Variants in YME1L1 observed in about 807,000 individuals in gnomAD.
YME1L1 encodes the protein YME1 like 1 ATPase, also known as ATP-dependent zinc metalloprotease YME1L1.
A neutral mutation model predicts 90.4 loss-of-function variants in YME1L1; 39 were observed. That is an observed-to-expected ratio of 0.43 (90% confidence interval 0.33 to 0.56). The LOEUF (loss-of-function observed/expected upper bound fraction) is 0.56, where lower values mean the gene tolerates loss of function less well. YME1L1 is among the 20% of genes least tolerant of loss of function. The pLI, the probability that YME1L1 is intolerant of heterozygous loss-of-function variation, is 0.03. For synonymous variants in YME1L1, 284 were observed against 287.3 expected, an observed-to-expected ratio of 0.99 and a Z score of 0.12; for missense variants, 617 against 868.4, an observed-to-expected ratio of 0.71 and a Z score of 3.64.
At chr10:27,148,855 G>C in intron 2 of YME1L1, 51 bp downstream of exon 2, 1 of 1,605,086 alleles carries the variant, frequency 6.2e-7, no homozygotes, top group Non-Finnish European at 8.5e-7. Context: ...TTGTTTAAGG[G>C]TCAACTGTAT....
At chr10:27,144,679 T>C (rs112160436) in intron 3 of YME1L1, among the ~76,000 whole-genome samples, 88 of 152,326 alleles carry the variant, frequency 5.8e-4, no homozygotes, top group African/African-American at 2.1e-3. Flanking sequence ...TGGAATTAAA[T>C]GTGTGTCACC....
At chr10:27,128,385 T>A (rs1463359622) in intron 8 of YME1L1, among the ~76,000 whole-genome samples, 3 of 152,196 alleles carry the variant, frequency 2.0e-5, no homozygotes, top group African/African-American at 7.2e-5. Context: ...TTAATTGTGA[T>A]GTCTACTTTC....
In YME1L1 at chr10:27,147,595, C is replaced by A. The variant is rs760607365; in HGVS notation, c.168+1311G>T. 5.7e-6 allele frequency: 9 copies of A among 1,575,528 alleles called. No homozygotes were observed. In the African/African-American group the frequency reaches 1.2e-4, roughly 21 times the overall value. On this transcript the variant is annotated intron_variant, in intron 2 of 18. Transcript: ENST00000376016. The stretch of plus-strand genomic sequence containing the variant: ...TTTTGCTGGCTCCATGAACATGGAT[C>A]TGTACCCTTCGAATATTTTTCCTTT...
chr10:27,122,008 T>C (rs576404362), intron 11 of YME1L1, among the ~76,000 whole-genome samples: 1 of 152,282 alleles, frequency 6.6e-6, no homozygotes, highest in South Asian at 2.1e-4. Context: ...AGTGCTAGGA[T>C]TATAGGCTTG....
chr10:27,153,092 A>C, intron 1 of YME1L1: 1 of 445,988 alleles, frequency 2.2e-6, no homozygotes, highest in Non-Finnish European at 4.6e-6. Flanking sequence ...AACCTGCTAA[A>C]CCCTTTCCTA....
intron 6 of YME1L1, 41 bp from the exon 7 acceptor site, chr10:27,134,163 T>C: frequency 6.3e-6 from 9 of 1,426,810 alleles, no homozygotes; most frequent in Admixed American, 1.9e-5. Context: ...ATCACATTTA[T>C]GAAATATGAC....
intron 4 of YME1L1, 46 bp downstream of exon 4, chr10:27,142,341 T>G (rs777494610): frequency 7.1e-6 from 8 of 1,132,834 alleles, no homozygotes; most frequent in Non-Finnish European, 9.7e-6. Flanking sequence ...CAGACTATAG[T>G]AAATAAATAT....
At chr10:27,149,304 T>C (rs10829196) in intron 1 of YME1L1, among the ~76,000 whole-genome samples, 11,238 of 152,194 alleles carry the variant, frequency 0.074, 602 homozygotes, top group African/African-American at 0.15. Context: ...GAATTTATTA[T>C]AAGGAAATAA....
At chr10:27,137,918 A>T (rs1230845449) in intron 4 of YME1L1, among the ~76,000 whole-genome samples, 1 of 152,102 alleles carries the variant, frequency 6.6e-6, no homozygotes, top group African/African-American at 2.4e-5. Flanking sequence ...GTGCAGCCAT[A>T]CCTTTGCTGT....
At chr10:27,145,293 A>C in intron 3 of YME1L1, 135 bp downstream of exon 3, 1 of 762,552 alleles carries the variant, frequency 1.3e-6, no homozygotes, top group East Asian at 3.1e-5. Flanking sequence ...AAATTGCAAA[A>C]AAAAAAACAA....
chr10:27,143,330 T>C (rs1338410671), intron 3 of YME1L1, among the ~76,000 whole-genome samples: 1 of 150,608 alleles, frequency 6.6e-6, no homozygotes, highest in South Asian at 2.1e-4. Flanking sequence ...GATCGCGCCA[T>C]TGCACTCCCG....
At chr10:27,124,798 T>C (rs898017773) in intron 9 of YME1L1, among the ~76,000 whole-genome samples, 2 of 152,216 alleles carry the variant, frequency 1.3e-5, no homozygotes, top group Admixed American at 1.3e-4. Flanking sequence ...AAAGGTGGTA[T>C]GTGGAATGTC....
chr10:27,127,679 T>C lies in YME1L1; in HGVS notation c.859-893A>G, dbSNP rs563866954. ...AAAATTCAAAAATAGGGAAAATTCA[T>C]GTATGGTATTAGACAGGAAATTGTC... On this transcript the variant is annotated intron_variant, in intron 8 of 18. Coordinates refer to ENST00000376016, the MANE Select transcript of YME1L1 (RefSeq NM_014263.4). Among the ~76,000 whole-genome samples, 5 of 152,260 alleles carry C rather than the reference T, an allele frequency of 3.3e-5. No individual in the cohort carries two copies. In the South Asian group the frequency reaches 1.0e-3, roughly 32 times the overall value.
At position 27,123,706 on chromosome 10, in the gene YME1L1, G is replaced by T. The variant is rs772277596; in HGVS notation, c.950-7C>A. Reference sequence around the variant, plus strand: ...GGTCCAACTAAAAGAATTCCTAAAAGAAAATGAAAACGAGAATGATTCAAA... The same window carrying T: ...GGTCCAACTAAAAGAATTCCTAAAATAAAATGAAAACGAGAATGATTCAAA... On this transcript the variant is annotated splice_polypyrimidine_tract_variant and splice_region_variant and intron_variant, in intron 9 of 18. Transcript: ENST00000376016. The T allele has an allele frequency of 6.3e-7, 1 of 1,582,300 alleles. No individual in the cohort carries two copies.
intron 8 of YME1L1, among the ~76,000 whole-genome samples, chr10:27,127,002 C>A (rs901773097): frequency 9.9e-5 from 15 of 152,122 alleles, no homozygotes; most frequent in African/African-American, 3.4e-4. Context: ...CCTTACTATC[C>A]CCAAAAAAAT....
chr10:27,122,791 A>T lies in YME1L1; in HGVS notation c.1235+50T>A, dbSNP rs1042840980. On this transcript the variant is annotated intron_variant, in intron 11 of 18. Coordinates refer to ENST00000376016, the MANE Select transcript of YME1L1 (RefSeq NM_014263.4). ...GCATAAGATCAATTCTACGTATATCAAATGCTGGGAGGCATCACCATATTC... is the reference window on the plus strand; with the variant it reads ...GCATAAGATCAATTCTACGTATATCTAATGCTGGGAGGCATCACCATATTC... 6 of 1,604,990 alleles carry T rather than the reference A, an allele frequency of 3.7e-6. No homozygotes were observed. In the South Asian group the frequency reaches 5.6e-5, roughly 15 times the overall value.
chr10:27,142,415 G>T lies in YME1L1; in HGVS notation c.402C>A (p.Ser134Arg). 6.6e-7 allele frequency: 1 copy of T among 1,523,840 alleles called. No homozygotes were observed. The highest frequency in any genetic ancestry group is 8.8e-7 in the Non-Finnish European group (1 of 1,135,700). The allele number at this position is 1,523,840 out of a possible 1,614,324, so 94.4% of individuals were successfully genotyped here. A position where few individuals can be genotyped will look rare whatever the true frequency, so the allele number is the denominator to read the frequency against. Residue 134 changes from serine (S) to arginine (R), a missense_variant, in exon 4 of 19, where the codon AGC (serine) becomes AGA (arginine). Ser to Arg is a moderately radical substitution (Grantham distance 110, BLOSUM62 -1). Coordinates refer to ENST00000376016, the MANE Select transcript of YME1L1 (RefSeq NM_014263.4). ...LYRHHSRALQ[S>R]ICSDLQYWPV... ...GCCAGTACTGAAGATCTGAACAAAT[G>T]CTTTGAAGAGCTCTTGAATGATGTC...
In YME1L1 at chr10:27,134,076, G is replaced by A. The variant is rs142451396; in HGVS notation, c.738C>T (p.Phe246=). 2.5e-4 allele frequency: 410 copies of A among 1,613,600 alleles called. 1 individual carries two copies. Among genetic ancestry groups the A allele is most frequent in the African/African-American group, 1.6e-3 (122 of 75,002 alleles). ...TRLILFVLLL[F]GIYGLLKNPF... is the part of the protein sequence containing the mutation. ...GGTTTTTTAGAAGTCCATAAATGCCGAATAGCAGCAGAACGAAGAGAATCA... is the reference window on the plus strand; with the variant it reads ...GGTTTTTTAGAAGTCCATAAATGCCAAATAGCAGCAGAACGAAGAGAATCA... The change falls in exon 7 of 19, where the codon TTC becomes TTT. Residue 246 remains phenylalanine, a synonymous_variant. Coordinates refer to ENST00000376016, the MANE Select transcript of YME1L1 (RefSeq NM_014263.4).
chr10:27,133,279 T>C (rs907233828), intron 7 of YME1L1, among the ~76,000 whole-genome samples: 1 of 152,170 alleles, frequency 6.6e-6, no homozygotes, highest in African/African-American at 2.4e-5. Flanking sequence ...AGTAAAATAT[T>C]TGAGATCAAT....
Sources: gnomAD v4.1 joint callset for allele counts (sites outside exome capture counted in the v4.1 genomes callset) on GRCh38, gnomAD v4.1.1 for gene constraint, MANE v1.5 for transcripts, NCBI Gene and HGNC (gene_info 2026-07-23, HGNC 2026-07-21) for gene names.